Variants in WNT11 observed in about 807,000 individuals in gnomAD.
WNT11 encodes the protein Wnt family member 11.
A neutral mutation model predicts 35.6 loss-of-function variants in WNT11; 20 were observed. The observed-to-expected ratio is 0.56, with a 90% CI of 0.40 to 0.82. The LOEUF is 0.82. Ranked by LOEUF, WNT11 falls within the 40% of genes least tolerant of loss-of-function variation. The probability of loss-of-function intolerance (pLI) is 0.00; values close to 1 mark genes in which losing one functional copy is unlikely to be tolerated. For synonymous variants in WNT11, 200 were observed against 211.9 expected, an observed-to-expected ratio of 0.94 and a Z score of 0.49; for missense variants, 459 against 504.4, an observed-to-expected ratio of 0.91 and a Z score of 0.86.
In WNT11 at chr11:76,196,621, T is replaced by C. The variant is rs772645921; in HGVS notation, c.181A>G (p.Ser61Gly). Residue 61 changes from serine to glycine, a missense_variant, in exon 2 of 5, where the codon AGC (serine) becomes GGC (glycine). By Grantham distance (56) the Ser-to-Gly change is moderately conservative. Coordinates refer to ENST00000322563, the MANE Select transcript of WNT11 (RefSeq NM_004626.3). ...ACCGTGTGCATGAGCTCCAGGTTGC[T>C]GCGGCACAGCTGCACCTGTGCAGAC... is the stretch of plus-strand genomic sequence containing the variant. ...LVSAQVQLCR[S>G]NLELMHTVVH... 3.1e-6 allele frequency: 5 copies of C among 1,613,566 alleles called. No individual in the cohort carries two copies. The African/African-American group carries it at 6.7e-5, about 22-fold the overall frequency.
At chr11:76,207,847 C>T (rs2134612014), upstream of WNT11, among the ~76,000 whole-genome samples, 1 of 152,334 alleles carries the variant, frequency 6.6e-6, no homozygotes, top group East Asian at 1.9e-4. Flanking sequence ...TCACTTCATT[C>T]TCACCTCATT....
rs1053301 is a variant in WNT11, at chr11:76,191,642, G to A, written c.812C>T (p.Ser271Leu). 62 of 1,613,992 alleles carry A rather than the reference G, an allele frequency of 3.8e-5. No individual in the cohort carries two copies. In the African/African-American group the frequency reaches 5.1e-4, roughly 13 times the overall value. ...TGAGCTCTGCAGATAGACGAGTTCC[G>A]AGTCCTTCACAGGCCGGATATCCAG... is the stretch of plus-strand genomic sequence containing the variant. Reference protein sequence around the residue: ...KDLDIRPVKDSELVYLQSSPD... With the variant: ...KDLDIRPVKDLELVYLQSSPD... Residue 271 changes from serine (S) to leucine (L), a missense_variant, in exon 4 of 5, where the codon TCG (serine) becomes TTG (leucine). Transcript: ENST00000322563.
intron 1 of WNT11, among the ~76,000 whole-genome samples, chr11:76,205,983 G>A (rs1953465987): frequency 6.6e-6 from 1 of 152,166 alleles, no homozygotes; most frequent in African/African-American, 2.4e-5. Flanking sequence ...GACCGCTCCT[G>A]GGCTGGCCGC....
upstream of WNT11, among the ~76,000 whole-genome samples, chr11:76,208,629 A>T (rs1462121736): frequency 6.6e-6 from 1 of 152,094 alleles, no homozygotes; most frequent in Non-Finnish European, 1.5e-5. Context: ...GGGCTGCAAG[A>T]GGACGGAGGC....
At chr11:76,207,731 G>C (rs562484476), upstream of WNT11, among the ~76,000 whole-genome samples, 8 of 152,328 alleles carry the variant, frequency 5.3e-5, no homozygotes, top group East Asian at 1.2e-3. Flanking sequence ...CGCGGGGCTG[G>C]CGCGGTGTTG....
chr11:76,190,293 C>CGTG (rs1420378228), intron 4 of WNT11, among the ~76,000 whole-genome samples: 1 of 152,078 alleles, frequency 6.6e-6, no homozygotes, highest in Non-Finnish European at 1.5e-5. Context: ...TCGGGTCCTC[C>CGTG]GTGGGCCTCC....
chr11:76,201,408 C>A (rs2134595725), intron 1 of WNT11, among the ~76,000 whole-genome samples: 1 of 152,322 alleles, frequency 6.6e-6, no homozygotes, highest in East Asian at 1.9e-4. Flanking sequence ...ATGACCGTTT[C>A]CAAATAAATC....
rs60320846 is a variant in WNT11 at position 76,193,969 on chromosome 11, T to G, written c.597+598A>C. ...ACAGATTGGTAGAAAGTTCATTCAC[T>G]GACAGGTCCACTCACCCCAGTCTTT... is the stretch of plus-strand genomic sequence containing the variant. On this transcript the variant is annotated intron_variant, in intron 3 of 4. Transcript: ENST00000322563. 4.7e-3 allele frequency among the ~76,000 whole-genome samples: 721 copies of G among 152,236 alleles called. 10 individuals carry two copies. The highest frequency in any genetic ancestry group is 0.017 in the African/African-American group (691 of 41,542).
rs1392209702 is a variant in WNT11, at chr11:76,206,416, G to T, written c.-9C>A. On this transcript the variant is annotated 5_prime_UTR_variant, in exon 1 of 5. Coordinates refer to ENST00000322563, the MANE Select transcript of WNT11 (RefSeq NM_004626.3). ...TGCGGCCGCGCCCTCATCGTCGCGC[G>T]GCGGGCGCGCCCGGGGTCACACCCA... The T allele has an allele frequency of 1.3e-6, 2 of 1,500,646 alleles. No homozygotes were observed. The highest frequency in any genetic ancestry group is 1.8e-6 in the Non-Finnish European group (2 of 1,130,158). 93.0% of individuals were successfully genotyped at this position (1,500,646 alleles called of 1,614,324 possible). A position where few individuals can be genotyped will look rare whatever the true frequency, so the allele number is the denominator to read the frequency against.
upstream of WNT11, among the ~76,000 whole-genome samples, chr11:76,209,952 C>T (rs962138928): frequency 6.6e-6 from 1 of 151,914 alleles, no homozygotes; most frequent in Non-Finnish European, 1.5e-5. Flanking sequence ...CCCCCTCCCC[C>T]CGCCGCCCCT....
Position 76,194,315 on chromosome 11 carries a change from GA to G in WNT11, c.597+251del, listed in dbSNP as rs2134577670. Among the ~76,000 whole-genome samples, 1 of 152,114 alleles carries G rather than the reference GA, an allele frequency of 6.6e-6. No individual in the cohort carries two copies. Among genetic ancestry groups the G allele is most frequent in the African/African-American group, 2.4e-5 (1 of 41,508 alleles). On this transcript the variant is annotated intron_variant, in intron 3 of 4. Coordinates refer to ENST00000322563, the MANE Select transcript of WNT11 (RefSeq NM_004626.3). The surrounding 1 kb of genome is among the most constrained non-coding windows in gnomAD (Gnocchi z 5.4). ...GCCAAGGCCAGAACTCAGAGCTCCT[GA>G]CTCCTAGTTCAGTGCTCCCTCTGCT...
At chr11:76,209,607 C>G (rs1239236149), upstream of WNT11, among the ~76,000 whole-genome samples, 3 of 149,406 alleles carry the variant, frequency 2.0e-5, no homozygotes, top group African/African-American at 7.3e-5. Context: ...GCCTGCCACC[C>G]GGCTTTGACC....
intron 1 of WNT11, among the ~76,000 whole-genome samples, chr11:76,199,902 C>A (rs1210635998): frequency 6.6e-6 from 1 of 152,232 alleles, no homozygotes; most frequent in Non-Finnish European, 1.5e-5. Context: ...CACTCAAGCT[C>A]TGTCCTCTAT....
chr11:76,199,474 T>TAA (rs10622676), intron 1 of WNT11, among the ~76,000 whole-genome samples: 14,543 of 143,354 alleles, frequency 0.1, 911 homozygotes, highest in Non-Finnish European at 0.15. Flanking sequence ...CTTGTCTACT[T>TAA]AAAAAAAAAA....
At chr11:76,190,851 C>T (rs977598634) in intron 4 of WNT11, 2 of 152,240 alleles carry the variant, frequency 1.3e-5, no homozygotes, top group African/African-American at 4.8e-5. Flanking sequence ...CTTTCGCCAG[C>T]ACCGTCTTTG....
intron 1 of WNT11, among the ~76,000 whole-genome samples, chr11:76,200,748 C>T (rs967414147): frequency 6.6e-6 from 1 of 152,240 alleles, no homozygotes. Flanking sequence ...CCTGCTCTGC[C>T]GCTTGCCCTC....
In WNT11 at chr11:76,186,949, C is replaced by G. The variant is rs775660668; in HGVS notation, c.*116G>C. 2.0e-6 allele frequency: 3 copies of G among 1,509,264 alleles called. No individual in the cohort carries two copies. The highest frequency in any genetic ancestry group is 2.4e-5 in the East Asian group (1 of 42,122). 93.5% of individuals were successfully genotyped at this position (1,509,264 alleles called of 1,614,324 possible). On this transcript the variant is annotated 3_prime_UTR_variant, in exon 5 of 5. Transcript: ENST00000322563. The stretch of plus-strand genomic sequence containing the variant: ...GGCAAAGCACAAGCCGCCTCCCATG[C>G]CTGGCATCTGGAATTCACAAGCAGA...
At chr11:76,195,685 C>A (rs1317158964) in intron 2 of WNT11, among the ~76,000 whole-genome samples, 1 of 152,198 alleles carries the variant, frequency 6.6e-6, no homozygotes, top group Non-Finnish European at 1.5e-5. Flanking sequence ...GCTGCGGGGC[C>A]CTGGCCATCG....
intron 4 of WNT11, among the ~76,000 whole-genome samples, chr11:76,187,966 C>T (rs186243701): frequency 6.6e-6 from 1 of 152,376 alleles, no homozygotes; most frequent in African/African-American, 2.4e-5. Context: ...CTCCTGGGTT[C>T]AAGCGATTCT....
Sources: gnomAD v4.1 joint callset for allele counts (sites outside exome capture counted in the v4.1 genomes callset) on GRCh38, gnomAD v4.1.1 for gene constraint, Gnocchi (gnomAD v3.1) non-coding constraint, MANE v1.5 for transcripts, NCBI Gene and HGNC (gene_info 2026-07-23, HGNC 2026-07-21) for gene names.